Variants in CELF1 observed in about 807,000 individuals in gnomAD.
The protein encoded by CELF1 is CUGBP Elav-like family member 1, also known as 50 kDa nuclear polyadenylated RNA-binding protein.
Under a neutral mutation model 61.8 loss-of-function variants are expected in CELF1, and 10 were observed. The observed-to-expected ratio is 0.16, with a 90% confidence interval of 0.10 to 0.27. The LOEUF is 0.27. Ranked by LOEUF, CELF1 falls within the 10% of genes least tolerant of loss-of-function variation. CELF1 has a pLI of 1.00. For missense variants in CELF1, 380 were observed against 639.1 expected, an observed-to-expected ratio of 0.59 and a Z score of 4.37; for synonymous variants, 236 against 225.1, an observed-to-expected ratio of 1.05 and a Z score of -0.43.
chr11:47,482,829 A>T lies in CELF1; in HGVS notation c.634T>A (p.Phe212Ile). The T allele has an allele frequency of 6.2e-7, 1 of 1,614,024 alleles. No individual in the cohort carries two copies. Among genetic ancestry groups the T allele is most frequent in the South Asian group, 1.1e-5 (1 of 91,072 alleles). ...TCTTTGTCCTTCTGTGTATCAGCAA[A>T]TTTTACCACCATGGGTGATGAGCAA... Reference protein sequence around the residue: ...EGCSSPMVVKFADTQKDKEQK... With the variant: ...EGCSSPMVVKIADTQKDKEQK... Residue 212 changes from phenylalanine to isoleucine, a missense_variant, in exon 9 of 15, where the codon TTT (phenylalanine) becomes ATT (isoleucine). Coordinates refer to ENST00000687097, the MANE Select transcript of CELF1 (RefSeq NM_001376376.1).
chr11:47,537,029 G>A (rs2153708465), intron 1 of CELF1, among the ~76,000 whole-genome samples: 1 of 152,044 alleles, frequency 6.6e-6, no homozygotes, highest in East Asian at 1.9e-4. Context: ...TTTTACTAGT[G>A]GTTTACTATT....
chr11:47,554,193 G>GA (rs984881298), upstream of CELF1, among the ~76,000 whole-genome samples: 2 of 151,938 alleles, frequency 1.3e-5, no homozygotes, highest in African/African-American at 4.8e-5. Flanking sequence ...CTTTGGGGGG[G>GA]AAAAAAACTA....
At chr11:47,527,481 T>C (rs542347678) in intron 1 of CELF1, among the ~76,000 whole-genome samples, 6 of 152,160 alleles carry the variant, frequency 3.9e-5, no homozygotes, top group Non-Finnish European at 5.9e-5. Context: ...TCCCAGCACT[T>C]TGAGAGGTCA....
At chr11:47,534,620 C>T (rs1287195987) in intron 1 of CELF1, among the ~76,000 whole-genome samples, 3 of 151,822 alleles carry the variant, frequency 2.0e-5, no homozygotes, top group Admixed American at 6.6e-5. Flanking sequence ...CCCAGCTACT[C>T]GGGAGGCTGA....
At chr11:47,481,422 G>A (rs772241921) in intron 9 of CELF1, among the ~76,000 whole-genome samples, 4 of 152,024 alleles carry the variant, frequency 2.6e-5, no homozygotes, top group African/African-American at 4.8e-5. Context: ...GAGTCACAGC[G>A]CCCGGCCTAA....
chr11:47,489,663 A>G (rs1565799294), intron 3 of CELF1, among the ~76,000 whole-genome samples: 3 of 152,180 alleles, frequency 2.0e-5, no homozygotes, highest in Non-Finnish European at 4.4e-5. Flanking sequence ...CAATGTTACC[A>G]TCATTTTAGA....
At chr11:47,540,156 C>T (rs988619858) in intron 1 of CELF1, among the ~76,000 whole-genome samples, 8 of 152,158 alleles carry the variant, frequency 5.3e-5, no homozygotes, top group African/African-American at 1.9e-4. Context: ...AGGCAGTTTC[C>T]ATCCTCAAAA....
At chr11:47,500,711 G>A (rs1462890388) in intron 2 of CELF1, 150 bp downstream of exon 2, 4 of 391,828 alleles carry the variant, frequency 1.0e-5, no homozygotes, top group Non-Finnish European at 1.8e-5. Context: ...CAAGGCAGAT[G>A]TGTGCTCCCG....
chr11:47,509,984 C>T (rs1007736012), intron 1 of CELF1, among the ~76,000 whole-genome samples: 2 of 150,890 alleles, frequency 1.3e-5, no homozygotes, highest in Non-Finnish European at 2.9e-5. Context: ...ATCACTTGAA[C>T]TCGGGAAGCG....
At chr11:47,532,097 C>T (rs1321629492) in intron 1 of CELF1, among the ~76,000 whole-genome samples, 1 of 151,764 alleles carries the variant, frequency 6.6e-6, no homozygotes, top group Non-Finnish European at 1.5e-5. Context: ...GTGGCGCAAT[C>T]TCAACTCACT....
intron 1 of CELF1, among the ~76,000 whole-genome samples, chr11:47,507,185 G>A (rs1388306204): frequency 6.6e-6 from 1 of 152,126 alleles, no homozygotes; most frequent in Non-Finnish European, 1.5e-5. Context: ...GCAAAACAAT[G>A]ACTAAAATTT....
chr11:47,472,147 G>C lies in CELF1; in HGVS notation c.*83C>G. On this transcript the variant is annotated 3_prime_UTR_variant, in exon 15 of 15. Transcript: ENST00000687097. Reference sequence around the variant, plus strand: ...CAGGGTCCAGGGCTGTCAACACACAGCCTCAGGGCTTCGAATCATTAAGGG... The same window carrying C: ...CAGGGTCCAGGGCTGTCAACACACACCCTCAGGGCTTCGAATCATTAAGGG... 6.5e-7 allele frequency: 1 copy of C among 1,540,990 alleles called. No homozygotes were observed. The highest frequency in any genetic ancestry group is 1.4e-5 in the African/African-American group (1 of 73,804).
rs562228470 is a variant in CELF1, at chr11:47,528,830, G to A, written c.-154+24162C>T. 1.2e-3 allele frequency among the ~76,000 whole-genome samples: 185 copies of A among 151,936 alleles called. 1 individual carries two copies. Among genetic ancestry groups the A allele is most frequent in the South Asian group, 4.4e-3 (21 of 4,822 alleles). ...ATTTTGATTCCAGGAGTTCAAGGCT[G>A]CAGTGAGCTATGATCACGCCACTGC... On this transcript the variant is annotated intron_variant, in intron 1 of 14. Coordinates refer to ENST00000687097, the MANE Select transcript of CELF1 (RefSeq NM_001376376.1).
chr11:47,505,150 T>C lies in CELF1; in HGVS notation c.-153-4218A>G, dbSNP rs754989265. On this transcript the variant is annotated intron_variant, in intron 1 of 14. Transcript: ENST00000687097. The stretch of plus-strand genomic sequence containing the variant: ...TACTGCTGTGTACTCAGCAATAGTA[T>C]AGCCTCAGAGCCTTCCTTGGAGTAT... Among the ~76,000 whole-genome samples the C allele has an allele frequency of 3.3e-5, 5 of 151,238 alleles. 1 individual carries two copies. The highest frequency in any genetic ancestry group is 5.9e-5 in the Non-Finnish European group (4 of 67,594).
Position 47,477,415 on chromosome 11 carries a change from T to G in CELF1, c.855A>C (p.Ala285=). ...GTGCAGCCAAATTCTGTAACTGCAT[T>G]GCATTCAACCCTACAACATCCAAAG... ...SSLHPMGGLN[A]MQLQNLAALA... is the part of the protein sequence containing the mutation. Residue 285 remains alanine (A), a synonymous_variant, in exon 11 of 15, where the codon GCA becomes GCC. Transcript: ENST00000687097. 4 of 1,613,884 alleles carry G rather than the reference T, an allele frequency of 2.5e-6. No homozygotes were observed. Among genetic ancestry groups the G allele is most frequent in the Non-Finnish European group, 3.4e-6 (4 of 1,179,946 alleles).
At chr11:47,547,900 T>C (rs1398555787) in intron 1 of CELF1, among the ~76,000 whole-genome samples, 1 of 152,174 alleles carries the variant, frequency 6.6e-6, no homozygotes, top group Non-Finnish European at 1.5e-5. Context: ...TATTGCTTAA[T>C]GGTTACAGAG....
intron 1 of CELF1, among the ~76,000 whole-genome samples, chr11:47,550,360 A>T (rs2097106530): frequency 6.6e-6 from 1 of 151,996 alleles, no homozygotes; most frequent in African/African-American, 2.4e-5. Context: ...GTGAAACCCC[A>T]TCTCTACTAA....
At chr11:47,475,278 T>C in intron 13 of CELF1, 58 bp downstream of exon 13, 1 of 1,551,518 alleles carries the variant, frequency 6.4e-7, no homozygotes, top group Non-Finnish European at 8.9e-7. Context: ...GCCTTTCCGT[T>C]CTGGTATAGG....
Position 47,468,200 on chromosome 11 carries a change from AG to A in CELF1, c.*4029del, listed in dbSNP as rs2153333381. The A allele has an allele frequency of 6.6e-6, 1 of 152,380 alleles. No individual in the cohort carries two copies. Among genetic ancestry groups the A allele is most frequent in the South Asian group, 2.1e-4 (1 of 4,828 alleles). The allele number at this position is 152,380 out of a possible 1,614,324, so 9.4% of individuals were successfully genotyped here. ...ATCCAGGACTCCCCAGAGTCGCTCCAGGGAAGAACCACAAAAGAAAAAGAAA... is the reference window on the plus strand; with the variant it reads ...ATCCAGGACTCCCCAGAGTCGCTCCAGGAAGAACCACAAAAGAAAAAGAAA... On this transcript the variant is annotated 3_prime_UTR_variant, in exon 15 of 15. Transcript: ENST00000687097.
Sources: allele counts gnomAD v4.1 joint callset (sites outside exome capture counted in the v4.1 genomes callset), GRCh38; gene constraint gnomAD v4.1.1; transcripts MANE v1.5; gene names NCBI Gene and HGNC (gene_info 2026-07-23, HGNC 2026-07-21).